TBL1X: variants seen among roughly 807,000 people sequenced by gnomAD.
TBL1X encodes the protein transducin beta like 1 X-linked, also known as F-box-like/WD repeat-containing protein TBL1X.
In TBL1X, 10 loss-of-function variants were observed where a neutral mutation model predicts 50.7. The ratio of observed to expected loss-of-function variants is 0.20; its 90% CI spans 0.12 to 0.33. The LOEUF is 0.33. TBL1X is among the 10% of genes least tolerant of loss of function. TBL1X has a pLI of 1.00. For synonymous variants in TBL1X, 190 were observed against 214.7 expected (o/e 0.88, Z 1.01); for missense variants, 340 against 504.4 (o/e 0.67, Z 3.12).
intron 5 of TBL1X, among the ~76,000 whole-genome samples, chrX:9,659,718 C>A (rs910538704): frequency 1.8e-5 from 2 of 112,107 alleles, no homozygotes; most frequent in Non-Finnish European, 1.9e-5. Flanking sequence ...AGAGGCAGGA[C>A]ACGTCGTAAA....
intron 11 of TBL1X, among the ~76,000 whole-genome samples, chrX:9,694,959 CAAAT>C (rs58923242): frequency 0.012 from 1,206 of 100,222 alleles, 20 homozygotes; most frequent in African/African-American, 0.039. Context: ...AACTTCATCT[CAAAT>C]AAATAAATAA....
chrX:9,554,779 T>G (rs1338514045), intron 2 of TBL1X, among the ~76,000 whole-genome samples: 2 of 112,054 alleles, frequency 1.8e-5, no homozygotes, highest in Non-Finnish European at 3.8e-5. Context: ...AAAATTCCCC[T>G]ATTGTAAATG....
At chrX:9,561,908 A>G (rs953944193) in intron 2 of TBL1X, among the ~76,000 whole-genome samples, 3 of 112,275 alleles carry the variant, frequency 2.7e-5, no homozygotes, top group Non-Finnish European at 5.6e-5. Flanking sequence ...GGAGGGAGTC[A>G]GAAGTGTTTT....
At chrX:9,480,192 G>A (rs1159724137) in intron 1 of TBL1X, among the ~76,000 whole-genome samples, 1 of 111,951 alleles carries the variant, frequency 8.9e-6, no homozygotes. Context: ...GACCTCAGGT[G>A]ATCTACCCGC....
intron 3 of TBL1X, among the ~76,000 whole-genome samples, chrX:9,652,850 CAAAAAA>C (rs750794158): frequency 1.8e-5 from 1 of 55,403 alleles, no homozygotes. Context: ...GACTCTGTCT[CAAAAAA>C]AAAAAAAAAA....
chrX:9,632,839 C>T (rs993615014), intron 2 of TBL1X, among the ~76,000 whole-genome samples: 3 of 111,509 alleles, frequency 2.7e-5, no homozygotes, highest in Non-Finnish European at 3.8e-5. Context: ...CCTGTGTAAC[C>T]GCCAGCTTTA....
At chrX:9,629,243 G>A (rs2082708361) in intron 2 of TBL1X, among the ~76,000 whole-genome samples, 1 of 112,925 alleles carries the variant, frequency 8.9e-6, no homozygotes. Context: ...GCCTGCTTTT[G>A]TAGGTAGTTT....
At chrX:9,658,333 C>T (rs1341961834) in intron 5 of TBL1X, among the ~76,000 whole-genome samples, 2 of 111,163 alleles carry the variant, frequency 1.8e-5, no homozygotes, top group African/African-American at 3.3e-5. Flanking sequence ...TTAAGAATCA[C>T]ATGGTGGCCA....
At chrX:9,662,098 G>C (rs766274365) in intron 5 of TBL1X, among the ~76,000 whole-genome samples, 1 of 111,426 alleles carries the variant, frequency 9.0e-6, no homozygotes, top group Admixed American at 9.5e-5. Context: ...GCTGTCAGTC[G>C]AGTGGGATTC....
At chrX:9,696,204 A>G (rs774765538) in intron 11 of TBL1X, among the ~76,000 whole-genome samples, 1 of 112,724 alleles carries the variant, frequency 8.9e-6, no homozygotes, top group Non-Finnish European at 1.9e-5. Context: ...GAGTTTATAT[A>G]TTCTCTGCAG....
intron 1 of TBL1X, among the ~76,000 whole-genome samples, chrX:9,482,663 A>G (rs1166510015): frequency 9.0e-6 from 1 of 110,632 alleles, no homozygotes; most frequent in Non-Finnish European, 1.9e-5. Context: ...CCCTGCAACT[A>G]TGCCCCCTGT....
chrX:9,585,337 C>CTCA (rs1328690298), intron 2 of TBL1X, among the ~76,000 whole-genome samples: 1 of 72,196 alleles, frequency 1.4e-5, no homozygotes, highest in Non-Finnish European at 2.5e-5. Context: ...CACCCCCCTC[C>CTCA]CCTCCCCCCC....
chrX:9,681,516 G>C (rs1201309826), intron 5 of TBL1X, among the ~76,000 whole-genome samples: 1 of 112,540 alleles, frequency 8.9e-6, no homozygotes, highest in Non-Finnish European at 1.9e-5. Context: ...TTTGGTTGAA[G>C]ATGGTAATGT....
In TBL1X at chrX:9,484,516, A is replaced by T. The variant is rs904351364; in HGVS notation, c.-200-17264A>T. Among the ~76,000 whole-genome samples, 11 of 110,440 alleles carry T rather than the reference A, an allele frequency of 1.0e-4. No individual in the cohort carries two copies. In the Admixed American group the frequency reaches 1.1e-3, roughly 11 times the overall value. ...ATATTACTGAAATCATATGGTATGT[A>T]CTCATTATTTTGCCTGGCGTCTCTC... On this transcript the variant is annotated intron_variant, in intron 1 of 17. Coordinates refer to ENST00000645353, the MANE Select transcript of TBL1X (RefSeq NM_005647.4).
intron 2 of TBL1X, among the ~76,000 whole-genome samples, chrX:9,573,559 T>C (rs916123219): frequency 1.8e-5 from 2 of 112,876 alleles, no homozygotes; most frequent in Admixed American, 1.9e-4. Flanking sequence ...TCTGCAGCTG[T>C]GGCAAGTTGT....
Position 9,719,658 on chromosome X carries a change from T to C in TBL1X, c.*3412T>C, listed in dbSNP as rs1242414210. 1 of 111,569 alleles carries C rather than the reference T, an allele frequency of 9.0e-6. No individual in the cohort carries two copies. The highest frequency in any genetic ancestry group is 1.9e-5 in the Non-Finnish European group (1 of 53,094). 9.2% of individuals were successfully genotyped at this position (111,569 alleles called of 1,213,427 possible). A position where few individuals can be genotyped will look rare whatever the true frequency, so the allele number is the denominator to read the frequency against. On this transcript the variant is annotated 3_prime_UTR_variant, in exon 18 of 18. Transcript: ENST00000645353. ...GAAGAAAAAAAAAAAAATCACCTTG[T>C]GTGTTGTAGCTCATTTGTTTCAAGA...
intron 2 of TBL1X, among the ~76,000 whole-genome samples, chrX:9,580,523 G>C (rs1340740972): frequency 8.9e-6 from 1 of 111,868 alleles, no homozygotes; most frequent in Admixed American, 9.4e-5. Flanking sequence ...TTGAATAGAA[G>C]GGGAGGCAGG....
rs192302237 is a variant in TBL1X, at chrX:9,485,252, C to T, written c.-200-16528C>T. Among the ~76,000 whole-genome samples the T allele has an allele frequency of 1.5e-4, 17 of 112,319 alleles. No homozygotes were observed. The East Asian group carries it at 3.9e-3, about 26-fold the overall frequency. On this transcript the variant is annotated intron_variant, in intron 1 of 17. Transcript: ENST00000645353. ...AATGGTTCAAGGACCACATAGACTT[C>T]GAGGGCTGCTGCCTTAAAGGAAGTC...
intron 7 of TBL1X, among the ~76,000 whole-genome samples, chrX:9,689,636 C>T (rs1439772934): frequency 8.9e-6 from 1 of 111,748 alleles, no homozygotes; most frequent in Non-Finnish European, 1.9e-5. Flanking sequence ...GCCTGACCCA[C>T]AGCCCAGTCT....
Sources: allele counts gnomAD v4.1 joint callset (sites outside exome capture counted in the v4.1 genomes callset), GRCh38; gene constraint gnomAD v4.1.1; transcripts MANE v1.5; gene names NCBI Gene and HGNC (gene_info 2026-07-23, HGNC 2026-07-21).